IDH3A: variants seen among roughly 807,000 people sequenced by gnomAD.
IDH3A encodes isocitrate dehydrogenase (NAD(+)) 3 catalytic subunit alpha, also known as isocitrate dehydrogenase [NAD] subunit alpha, mitochondrial.
A neutral mutation model predicts 43.3 loss-of-function variants in IDH3A; 23 were observed. The ratio of observed to expected loss-of-function variants is 0.53; its 90% confidence interval spans 0.38 to 0.75. IDH3A has a LOEUF of 0.75. IDH3A is among the 30% of genes least tolerant of loss of function. IDH3A has a pLI of 0.00. For missense variants in IDH3A, 329 were observed against 474.4 expected (o/e 0.69, Z 2.85); for synonymous variants, 154 against 163.5 (o/e 0.94, Z 0.44).
intron 1 of IDH3A, among the ~76,000 whole-genome samples, chr15:78,152,358 T>C (rs970585334): frequency 3.1e-5 from 1 of 31,760 alleles, no homozygotes; most frequent in Non-Finnish European, 6.4e-5. Context: ...GCGCCCGGCC[T>C]TTTTTTTTTT....
intron 10 of IDH3A, 92 bp downstream of exon 10, chr15:78,166,394 C>A: frequency 1.5e-6 from 2 of 1,305,880 alleles, no homozygotes; most frequent in Non-Finnish European, 2.2e-6. Context: ...GATAATAGTT[C>A]TCAGGCGGGC....
At chr15:78,156,937 T>G in intron 2 of IDH3A, 1 of 1,351,822 alleles carries the variant, frequency 7.4e-7, no homozygotes, top group South Asian at 1.1e-5. Context: ...TGTAGATTAC[T>G]CTTAGATTTA....
rs773611730 is a variant in IDH3A, at chr15:78,161,557, T to C, written c.290-24T>C. The C allele has an allele frequency of 6.9e-6, 11 of 1,603,206 alleles. No homozygotes were observed. The Admixed American group carries it at 1.8e-4, about 27-fold the overall frequency. On this transcript the variant is annotated intron_variant, in intron 4 of 10. Transcript: ENST00000299518. The surrounding 1 kb of genome is among the most constrained non-coding windows in gnomAD (Gnocchi z 4.8). Reference sequence around the variant, plus strand: ...GAGACCAGAATTCCTTCTAGTGTCATCTGGGTTTTCTTCTGTATAACAGGC... The same window carrying C: ...GAGACCAGAATTCCTTCTAGTGTCACCTGGGTTTTCTTCTGTATAACAGGC...
intron 2 of IDH3A, chr15:78,156,891 A>C (rs765632341): frequency 1.1e-5 from 15 of 1,350,724 alleles, no homozygotes; most frequent in Admixed American, 1.9e-5. Flanking sequence ...GACATATACT[A>C]TTCTTTTTGG....
intron 2 of IDH3A, 64 bp downstream of exon 2, chr15:78,155,339 T>G: frequency 9.3e-7 from 1 of 1,070,488 alleles, no homozygotes; most frequent in Non-Finnish European, 1.4e-6. Flanking sequence ...TGCTCTAACA[T>G]ATTTATTATA....
intron 1 of IDH3A, among the ~76,000 whole-genome samples, chr15:78,152,926 GTTT>G (rs914607056): frequency 6.6e-6 from 1 of 150,696 alleles, no homozygotes; most frequent in African/African-American, 2.4e-5. Context: ...TTGTTGTTTT[GTTT>G]TTTTTTAAAT....
chr15:78,149,397 G>A lies in IDH3A; in HGVS notation c.-7G>A. The A allele has an allele frequency of 6.5e-7, 1 of 1,548,568 alleles. No homozygotes were observed. Among genetic ancestry groups the A allele is most frequent in the African/African-American group, 1.4e-5 (1 of 70,848 alleles). On this transcript the variant is annotated 5_prime_UTR_variant, in exon 1 of 11. Transcript: ENST00000299518. ...CGGCTGTTGCTGCGGAGCCAGGAGG[G>A]GAAGCGATGGCTGGGCCCGCGTGGA...
chr15:78,158,908 C>A (rs921412217), intron 3 of IDH3A, among the ~76,000 whole-genome samples: 2 of 152,168 alleles, frequency 1.3e-5, no homozygotes, highest in African/African-American at 2.4e-5. Context: ...TCTTGGCTCA[C>A]TGCAACCTCC....
rs761529617 is a variant in IDH3A at position 78,169,026 on chromosome 15, A to T, written c.*21A>T. Reference sequence around the variant, plus strand: ...ATTAACACTTCTACAACTGGCATTTACATCAGTCACTCTAAATGGACACCA... The same window carrying T: ...ATTAACACTTCTACAACTGGCATTTTCATCAGTCACTCTAAATGGACACCA... On this transcript the variant is annotated 3_prime_UTR_variant, in exon 11 of 11. Coordinates refer to ENST00000299518, the MANE Select transcript of IDH3A (RefSeq NM_005530.3). 8.2e-6 allele frequency: 12 copies of T among 1,464,734 alleles called. No individual in the cohort carries two copies. In the Admixed American group the frequency reaches 1.2e-4, roughly 14 times the overall value. 90.7% of individuals were successfully genotyped at this position (1,464,734 alleles called of 1,614,324 possible).
Position 78,171,746 on chromosome 15 carries a change from G to A in IDH3A, c.*2741G>A. On this transcript the variant is annotated 3_prime_UTR_variant, in exon 11 of 11. Coordinates refer to ENST00000299518, the MANE Select transcript of IDH3A (RefSeq NM_005530.3). ...TATACCACTGGTTGTGGCCAGTGGAGTATAGATGAAGGGTTGGTATGTCAC... is the reference window on the plus strand; with the variant it reads ...TATACCACTGGTTGTGGCCAGTGGAATATAGATGAAGGGTTGGTATGTCAC... 1 of 463,162 alleles carries A rather than the reference G, an allele frequency of 2.2e-6. No homozygotes were observed. Among genetic ancestry groups the A allele is most frequent in the Non-Finnish European group, 3.9e-6 (1 of 255,732 alleles). 28.7% of individuals were successfully genotyped at this position (463,162 alleles called of 1,614,324 possible).
rs201061832 is a variant in IDH3A, at chr15:78,163,471, C to CT, written c.612-28dup. On this transcript the variant is annotated intron_variant, in intron 6 of 10. Transcript: ENST00000299518. ...ATTTGATTCTTTTCTTTCTGTAAGA[C>CT]TTTTTTTTCAGCAGTTTTTATTTGA... 1,620 of 1,429,020 alleles carry CT rather than the reference C, an allele frequency of 1.1e-3. 11 individuals are homozygous for CT. In the African/African-American group the frequency reaches 0.019, roughly 17 times the overall value. The allele number at this position is 1,429,020 out of a possible 1,614,324, so 88.5% of individuals were successfully genotyped here.
At chr15:78,155,045 G>A (rs1567068732) in intron 1 of IDH3A, among the ~76,000 whole-genome samples, 168 bp from the exon 2 acceptor site, 2 of 152,336 alleles carry the variant, frequency 1.3e-5, no homozygotes, top group Non-Finnish European at 2.9e-5. Flanking sequence ...TTTCAAATCT[G>A]AGATAGCTTG....
At chr15:78,159,480 T>C (rs2141947245) in intron 3 of IDH3A, among the ~76,000 whole-genome samples, 2 of 152,368 alleles carry the variant, frequency 1.3e-5, no homozygotes, top group Middle Eastern at 6.8e-3. Flanking sequence ...TACTATATGA[T>C]GTTTCTGTGA....
intron 9 of IDH3A, 36 bp downstream of exon 9, chr15:78,165,112 A>G: frequency 7.7e-7 from 1 of 1,305,472 alleles, no homozygotes; most frequent in Non-Finnish European, 1.1e-6. Context: ...AACTCAGGTC[A>G]GAACAGCGTG....
chr15:78,155,243 C>T lies in IDH3A; in HGVS notation c.58C>T (p.Pro20Ser), dbSNP rs2074614364. 1 of 1,612,772 alleles carries T rather than the reference C, an allele frequency of 6.2e-7. No individual in the cohort carries two copies. Residue 20 changes from proline to serine, a missense_variant, in exon 2 of 11, where the codon CCA (proline) becomes TCA (serine). Pro to Ser is a moderately conservative substitution (Grantham distance 74, BLOSUM62 -1). Coordinates refer to ENST00000299518, the MANE Select transcript of IDH3A (RefSeq NM_005530.3). ...TCGGCTGCTGGGGGCATTCCACAAC[C>T]CAAAACAGGTGACCAGAGGTTTTAC... Reference protein sequence around the residue: ...VSRLLGAFHNPKQVTRGFTGG... With the variant: ...VSRLLGAFHNSKQVTRGFTGG...
chr15:78,166,566 G>C (rs767775246), intron 10 of IDH3A: 1 of 408,746 alleles, frequency 2.4e-6, no homozygotes, highest in Non-Finnish European at 4.6e-6. Flanking sequence ...GGAAAGGTCA[G>C]TGGTTTGGGA....
At position 78,149,380 on chromosome 15, in the gene IDH3A, G is replaced by A; in HGVS notation, c.-24G>A. 6.5e-7 allele frequency: 1 copy of A among 1,535,180 alleles called. No individual in the cohort carries two copies. Among genetic ancestry groups the A allele is most frequent in the Admixed American group, 1.9e-5 (1 of 52,486 alleles). On this transcript the variant is annotated 5_prime_UTR_variant, in exon 1 of 11. Transcript: ENST00000299518. ...CTTGCGCACTGCCGCTGCGGCTGTT[G>A]CTGCGGAGCCAGGAGGGGAAGCGAT...
At chr15:78,154,103 T>C (rs138885543) in intron 1 of IDH3A, among the ~76,000 whole-genome samples, 1 of 151,992 alleles carries the variant, frequency 6.6e-6, no homozygotes, top group Non-Finnish European at 1.5e-5. Context: ...TATGACTTTG[T>C]ACCAGTTCTC....
Position 78,161,506 on chromosome 15 carries a change from C to A in IDH3A, c.290-75C>A. ...AGGCAGAACACATTTCACAAGGTAG[C>A]CGAGGTGGGTTAGTAGGTCACACGT... On this transcript the variant is annotated intron_variant, in intron 4 of 10. Coordinates refer to ENST00000299518, the MANE Select transcript of IDH3A (RefSeq NM_005530.3). This position sits in a 1 kb window ranked among gnomAD's most constrained non-coding sequence, Gnocchi z 4.8. 1 of 1,161,484 alleles carries A rather than the reference C, an allele frequency of 8.6e-7. No homozygotes were observed. The highest frequency in any genetic ancestry group is 1.2e-6 in the Non-Finnish European group (1 of 800,196). 71.9% of individuals were successfully genotyped at this position (1,161,484 alleles called of 1,614,324 possible).
Sources: allele counts gnomAD v4.1 joint callset (sites outside exome capture counted in the v4.1 genomes callset), GRCh38; gene constraint gnomAD v4.1.1; non-coding constraint Gnocchi (gnomAD v3.1); transcripts MANE v1.5; gene names NCBI Gene and HGNC (gene_info 2026-07-23, HGNC 2026-07-21).